DOCK10: variants seen among roughly 807,000 people sequenced by gnomAD.
DOCK10 encodes dedicator of cytokinesis protein 10.
A neutral mutation model predicts 280.1 loss-of-function variants in DOCK10; 145 were observed. That is an observed-to-expected ratio of 0.52 (90% CI 0.45 to 0.59). The LOEUF is 0.59. Ranked by LOEUF, DOCK10 falls within the 20% of genes least tolerant of loss-of-function variation. The pLI, the probability that DOCK10 is intolerant of heterozygous loss-of-function variation, is 0.00. For synonymous variants in DOCK10, 915 were observed against 942.2 expected (o/e 0.97, Z 0.53); for missense variants, 2,368 against 2,651.7 (o/e 0.89, Z 2.35).
intron 1 of DOCK10, among the ~76,000 whole-genome samples, chr2:224,977,408 T>G (rs2126235668): frequency 6.6e-6 from 1 of 152,318 alleles, no homozygotes. Context: ...CAGAAAAACA[T>G]TCTCTTTCGG....
At position 224,852,226 on chromosome 2, in the gene DOCK10, C is replaced by T. The variant is rs16866232; in HGVS notation, c.2142+151G>A. On this transcript the variant is annotated intron_variant, in intron 18 of 55. Transcript: ENST00000258390. ...TTCTAATAGATCTAGTTAATGAGGA[C>T]TGTTAAATCAGGTATGTTTCAGATC... is the stretch of plus-strand genomic sequence containing the variant. The T allele has an allele frequency of 7.9e-3, 4,686 of 595,192 alleles. 166 individuals are homozygous for T. Among genetic ancestry groups the T allele is most frequent in the African/African-American group, 0.074 (3,997 of 53,788 alleles). The allele number at this position is 595,192 out of a possible 1,614,324, so 36.9% of individuals were successfully genotyped here.
chr2:224,951,561 G>T (rs1703729488), intron 1 of DOCK10, among the ~76,000 whole-genome samples: 1 of 152,206 alleles, frequency 6.6e-6, no homozygotes, highest in Non-Finnish European at 1.5e-5. Flanking sequence ...ATGCTAAAAT[G>T]TCAGAAACCT....
chr2:224,959,949 T>C (rs567366646), intron 1 of DOCK10, among the ~76,000 whole-genome samples: 4 of 152,274 alleles, frequency 2.6e-5, no homozygotes, highest in South Asian at 2.1e-4. Flanking sequence ...GTGTGACATA[T>C]ACAGTCCTCC....
intron 3 of DOCK10, among the ~76,000 whole-genome samples, chr2:224,913,690 C>G (rs1575047521): frequency 6.6e-6 from 1 of 151,580 alleles, no homozygotes; most frequent in Non-Finnish European, 1.5e-5. Flanking sequence ...ATTTTTATAA[C>G]CTTTGTTTTT....
At chr2:224,827,636 G>A (rs902526881) in intron 27 of DOCK10, among the ~76,000 whole-genome samples, 1 of 152,176 alleles carries the variant, frequency 6.6e-6, no homozygotes, top group Non-Finnish European at 1.5e-5. Context: ...TAGTGACAGA[G>A]CAGGAATTGC....
At chr2:224,925,988 AT>A (rs1702026086) in intron 2 of DOCK10, among the ~76,000 whole-genome samples, 1 of 152,064 alleles carries the variant, frequency 6.6e-6, no homozygotes, top group African/African-American at 2.4e-5. Flanking sequence ...TAAGTTCTTT[AT>A]TTTTTGTTTT....
rs772117461 is a variant in DOCK10 at position 224,770,176 on chromosome 2, C to T, written c.6444+35G>A. 3.4e-6 allele frequency: 5 copies of T among 1,477,436 alleles called. No homozygotes were observed. The Admixed American group carries it at 7.5e-5, about 22-fold the overall frequency. The allele number at this position is 1,477,436 out of a possible 1,614,324, so 91.5% of individuals were successfully genotyped here. On this transcript the variant is annotated intron_variant, in intron 55 of 55. Transcript: ENST00000258390. The surrounding 1 kb of genome is among the most constrained non-coding windows in gnomAD (Gnocchi z 4.5). ...ATTGGGAGCGAAAGGGACTTTCTGT[C>T]CACTGATAGCGCGTGTGCACCAAGG...
intron 53 of DOCK10, among the ~76,000 whole-genome samples, chr2:224,772,280 T>C (rs771703334): frequency 1.2e-4 from 19 of 152,190 alleles, no homozygotes; most frequent in Non-Finnish European, 2.1e-4. Flanking sequence ...TCTTCCTTTA[T>C]TTTAAAATTT....
intron 18 of DOCK10, among the ~76,000 whole-genome samples, chr2:224,852,142 G>T (rs1696787443): frequency 6.6e-6 from 1 of 152,230 alleles, no homozygotes; most frequent in East Asian, 1.9e-4. Flanking sequence ...TATTTCACAT[G>T]AGAATGGTTT....
chr2:224,995,693 A>G (rs1706251876), intron 1 of DOCK10, among the ~76,000 whole-genome samples: 1 of 152,234 alleles, frequency 6.6e-6, no homozygotes, highest in Admixed American at 6.5e-5. Context: ...ATGCTTTTAA[A>G]AAAGCATGGT....
intron 1 of DOCK10, among the ~76,000 whole-genome samples, chr2:225,014,094 T>G (rs6436520): frequency 5.1e-4 from 56 of 110,722 alleles, no homozygotes; most frequent in Admixed American, 1.4e-3. Context: ...GTTTTTTTTT[T>G]TTTGTTTTTT....
intron 25 of DOCK10, among the ~76,000 whole-genome samples, chr2:224,836,153 CTT>C (rs1486856289): frequency 6.6e-6 from 1 of 152,194 alleles, no homozygotes; most frequent in Non-Finnish European, 1.5e-5. Flanking sequence ...GGATCAGTAA[CTT>C]TTTTTCTCTT....
At position 224,770,606 on chromosome 2, in the gene DOCK10, C is replaced by T; in HGVS notation, c.6244G>A (p.Glu2082Lys). The stretch of plus-strand genomic sequence containing the variant: ...GGGTACTTCTTTGCATTGGTTTCTT[C>T]AAGAAAAGCTCGTGCATAGGCCATT... ...GPMAYARAFL[E>K]ETNAKKYPDN... The change falls in exon 54 of 56, where the codon GAA becomes AAA. Residue 2082 changes from glutamate (E) to lysine (K), a missense_variant. Around this residue, in one of 2 missense-constraint regions of DOCK10, gnomAD observed 1,159 missense variants for 1,400.8 expected, o/e 0.83. Transcript: ENST00000258390. The surrounding 1 kb of genome is among the most constrained non-coding windows in gnomAD (Gnocchi z 4.5). 1 of 1,613,980 alleles carries T rather than the reference C, an allele frequency of 6.2e-7. No individual in the cohort carries two copies. Among genetic ancestry groups the T allele is most frequent in the Non-Finnish European group, 8.5e-7 (1 of 1,179,860 alleles).
intron 1 of DOCK10, among the ~76,000 whole-genome samples, chr2:224,960,227 G>A (rs976677822): frequency 3.9e-5 from 6 of 152,076 alleles, no homozygotes; most frequent in Admixed American, 2.6e-4. Flanking sequence ...TGCTCCCGCC[G>A]TGCTTACTGA....
intron 26 of DOCK10, among the ~76,000 whole-genome samples, chr2:224,833,237 C>T (rs1467208155): frequency 2.0e-5 from 3 of 151,848 alleles, no homozygotes; most frequent in African/African-American, 4.9e-5. Context: ...GACACAACTC[C>T]CAGTTCTGCT....
intron 1 of DOCK10, among the ~76,000 whole-genome samples, chr2:224,952,522 T>C (rs1013301230): frequency 6.6e-6 from 1 of 151,638 alleles, no homozygotes; most frequent in Non-Finnish European, 1.5e-5. Context: ...AGAAAAATAA[T>C]GGTGGAGGAA....
intron 1 of DOCK10, among the ~76,000 whole-genome samples, chr2:224,992,476 C>G (rs1235094428): frequency 6.6e-6 from 1 of 152,182 alleles, no homozygotes; most frequent in Non-Finnish European, 1.5e-5. Flanking sequence ...GTGCAAAGCA[C>G]CCAGCTCCAG....
chr2:224,910,586 T>G lies in DOCK10; in HGVS notation c.333+6109A>C, dbSNP rs150363380. Among the ~76,000 whole-genome samples the G allele has an allele frequency of 5.9e-3, 904 of 152,324 alleles. 2 individuals carry two copies. The highest frequency in any genetic ancestry group is 0.011 in the South Asian group (55 of 4,824). The stretch of plus-strand genomic sequence containing the variant: ...AATGATGATAATAACAAACATATGT[T>G]TGTAATTGCTACAAGTAAAGGGCTT... On this transcript the variant is annotated intron_variant, in intron 3 of 55. Coordinates refer to ENST00000258390, the MANE Select transcript of DOCK10 (RefSeq NM_014689.3).
intron 28 of DOCK10, among the ~76,000 whole-genome samples, chr2:224,821,857 A>G (rs1207282680): frequency 1.3e-5 from 2 of 152,168 alleles, no homozygotes; most frequent in Non-Finnish European, 2.9e-5. Flanking sequence ...CCCCCTTTAA[A>G]CTTTTCCCCT....
Sources: allele counts gnomAD v4.1 joint callset (sites outside exome capture counted in the v4.1 genomes callset), GRCh38; gene constraint gnomAD v4.1.1; regional missense constraint gnomAD v4.1.1; non-coding constraint Gnocchi (gnomAD v3.1); transcripts MANE v1.5; gene names NCBI Gene and HGNC (gene_info 2026-07-23, HGNC 2026-07-21).